BRF1: variants seen among roughly 807,000 people sequenced by gnomAD.
The protein encoded by BRF1 is transcription factor IIIB 90 kDa subunit.
Under a neutral mutation model 81.7 loss-of-function variants are expected in BRF1, and 59 were observed. The observed-to-expected ratio is 0.72, with a 90% CI of 0.59 to 0.90. The LOEUF is 0.90. Ranked by LOEUF, BRF1 falls within the 40% of genes least tolerant of loss-of-function variation. The pLI, the probability that BRF1 is intolerant of heterozygous loss-of-function variation, is 0.00. For synonymous variants in BRF1, 491 were observed against 395.6 expected (o/e 1.24, Z -2.86); for missense variants, 1,050 against 936.3 (o/e 1.12, Z -1.58).
chr14:105,228,543 CAA>C (rs369640753), intron 7 of BRF1, among the ~76,000 whole-genome samples: 11 of 135,200 alleles, frequency 8.1e-5, no homozygotes, highest in Admixed American at 1.5e-4. Flanking sequence ...GGCTGTTCCT[CAA>C]AAAAAAAAAA....
chr14:105,283,151 A>T (rs1462595590), intron 2 of BRF1, among the ~76,000 whole-genome samples: 1 of 152,204 alleles, frequency 6.6e-6, no homozygotes, highest in Non-Finnish European at 1.5e-5. Context: ...GCCAAGGCAG[A>T]GGAGGACATC....
intron 4 of BRF1, among the ~76,000 whole-genome samples, chr14:105,254,449 G>A (rs1203887521): frequency 6.6e-6 from 1 of 152,098 alleles, no homozygotes. Context: ...AGTAGAGATG[G>A]AGTTTCACCG....
intron 1 of BRF1, among the ~76,000 whole-genome samples, chr14:105,288,255 C>A (rs1171359852): frequency 1.3e-5 from 2 of 151,528 alleles, no homozygotes; most frequent in African/African-American, 2.4e-5. Context: ...GAGATCGAGA[C>A]CATCTTGGCG....
chr14:105,224,494 C>T (rs587675141), intron 10 of BRF1, among the ~76,000 whole-genome samples: 1 of 152,358 alleles, frequency 6.6e-6, no homozygotes, highest in Non-Finnish European at 1.5e-5. Context: ...ACTTTTGCCT[C>T]TGCTTCTTCC....
intron 3 of BRF1, among the ~76,000 whole-genome samples, chr14:105,265,361 A>G (rs1315327230): frequency 1.3e-5 from 2 of 152,184 alleles, no homozygotes; most frequent in African/African-American, 2.4e-5. Context: ...CAAATCCTTG[A>G]ACTTCTACAA....
rs187129537 is a variant in BRF1 at position 105,252,300 on chromosome 14, A to G, written c.544+207T>C. The stretch of plus-strand genomic sequence containing the variant: ...GGCTGCAGTGAGCTACGATTGTGCC[A>G]CTGCACTCCAGCCTGGACAACAGCG... On this transcript the variant is annotated intron_variant, in intron 5 of 17. Coordinates refer to ENST00000547530, the MANE Select transcript of BRF1 (RefSeq NM_001519.4). 1,459 of 894,488 alleles carry G rather than the reference A, an allele frequency of 1.6e-3. 27 individuals are homozygous for G. In the African/African-American group the frequency reaches 0.025, roughly 15 times the overall value. 55.4% of individuals were successfully genotyped at this position (894,488 alleles called of 1,614,324 possible).
intron 3 of BRF1, among the ~76,000 whole-genome samples, chr14:105,265,045 C>CTTTTTTTTTTTTTTTT (rs587772604): frequency 7.4e-6 from 1 of 135,176 alleles, no homozygotes; most frequent in African/African-American, 2.7e-5. Flanking sequence ...TCTACTTATC[C>CTTTTTTTTTTTTTTTT]TTTTTTTTGT....
intron 15 of BRF1, among the ~76,000 whole-genome samples, chr14:105,215,406 A>G: frequency 6.6e-6 from 1 of 151,902 alleles, no homozygotes; most frequent in East Asian, 1.9e-4. Context: ...AAAAACTTAC[A>G]CACATGCACA....
In BRF1 at chr14:105,271,331, C is replaced by A. The variant is rs2056644818; in HGVS notation, c.439+1390G>T. Among the ~76,000 whole-genome samples the A allele has an allele frequency of 6.6e-6, 1 of 152,188 alleles. No homozygotes were observed. Among genetic ancestry groups the A allele is most frequent in the Non-Finnish European group, 1.5e-5 (1 of 68,044 alleles). On this transcript the variant is annotated intron_variant, in intron 3 of 17. Coordinates refer to ENST00000547530, the MANE Select transcript of BRF1 (RefSeq NM_001519.4). This position sits in a 1 kb window ranked among gnomAD's most constrained non-coding sequence, Gnocchi z 5.5. ...GATTTCTGAACGTGGAGATTAGAGG[C>A]AAGGAGCTGAAGCCCCGCAGCTGCA...
In BRF1 at chr14:105,270,683, C is replaced by T. The variant is rs111813992; in HGVS notation, c.439+2038G>A. Among the ~76,000 whole-genome samples, 37 of 151,744 alleles carry T rather than the reference C, an allele frequency of 2.4e-4. 1 individual carries two copies. The highest frequency in any genetic ancestry group is 8.0e-4 in the African/African-American group (33 of 41,328). On this transcript the variant is annotated intron_variant, in intron 3 of 17. Coordinates refer to ENST00000547530, the MANE Select transcript of BRF1 (RefSeq NM_001519.4). ...GTGCACACCTGTAATCCCAGCTACT[C>T]GAGAGGCTAAGGCACAAGAATTGCT...
chr14:105,280,091 C>T (rs1044421459), intron 2 of BRF1, among the ~76,000 whole-genome samples: 1 of 152,240 alleles, frequency 6.6e-6, no homozygotes, highest in Non-Finnish European at 1.5e-5. Flanking sequence ...GAAAAACCTG[C>T]ACGTGACGTT....
At position 105,217,628 on chromosome 14, in the gene BRF1, T is replaced by C. The variant is rs768440342; in HGVS notation, c.1688A>G (p.His563Arg). Residue 563 changes from histidine (H) to arginine (R), a missense_variant, in exon 15 of 18, where the codon CAT (histidine) becomes CGT (arginine). His to Arg is a conservative substitution (Grantham distance 29). Coordinates refer to ENST00000547530, the MANE Select transcript of BRF1 (RefSeq NM_001519.4). ...SPHREDAQPE[H>R]SASARKLSRR... is the part of the protein sequence containing the mutation. ...TGACAGCTTCCTGGCACTGGCGCTA[T>C]GCTCGGGCTGTGCATCCTCCCTGTG... The C allele has an allele frequency of 2.5e-6, 4 of 1,613,368 alleles. No homozygotes were observed. The highest frequency in any genetic ancestry group is 1.7e-5 in the Admixed American group (1 of 60,026).
At chr14:105,223,858 C>T (rs1892680783) in intron 10 of BRF1, among the ~76,000 whole-genome samples, 1 of 152,224 alleles carries the variant, frequency 6.6e-6, no homozygotes, top group South Asian at 2.1e-4. Context: ...GAGAAAAGAA[C>T]TTTCACGGGA....
intron 7 of BRF1, among the ~76,000 whole-genome samples, 194 bp downstream of exon 7, chr14:105,228,626 C>A (rs1007376701): frequency 9.2e-5 from 14 of 152,018 alleles, no homozygotes; most frequent in Admixed American, 6.6e-4. Flanking sequence ...TAGCAGGGAA[C>A]TCTCTGGAGG....
At position 105,269,629 on chromosome 14, in the gene BRF1, C is replaced by T. The variant is rs184924708; in HGVS notation, c.439+3092G>A. Among the ~76,000 whole-genome samples, 11 of 152,206 alleles carry T rather than the reference C, an allele frequency of 7.2e-5. No individual in the cohort carries two copies. The highest frequency in any genetic ancestry group is 1.3e-4 in the Admixed American group (2 of 15,294). ...ACACTTAGTAGGAGGATCGCTGGAG[C>T]GTGTGGGAACTTTGTGGCTAAAGGT... On this transcript the variant is annotated intron_variant, in intron 3 of 17. Coordinates refer to ENST00000547530, the MANE Select transcript of BRF1 (RefSeq NM_001519.4). This position sits in a 1 kb window ranked among gnomAD's most constrained non-coding sequence, Gnocchi z 5.0.
chr14:105,273,680 G>A (rs1037793053), intron 2 of BRF1, among the ~76,000 whole-genome samples: 7 of 152,210 alleles, frequency 4.6e-5, no homozygotes, highest in Non-Finnish European at 7.3e-5. Context: ...TGTGCAGGAC[G>A]TGCCTTGTTA....
At chr14:105,262,577 G>T (rs1051084961) in intron 3 of BRF1, among the ~76,000 whole-genome samples, 1 of 152,234 alleles carries the variant, frequency 6.6e-6, no homozygotes, top group Non-Finnish European at 1.5e-5. Flanking sequence ...CCTCTGTGAA[G>T]TTCAAGGGTA....
intron 15 of BRF1, among the ~76,000 whole-genome samples, chr14:105,214,007 G>A (rs973692401): frequency 2.6e-5 from 4 of 152,230 alleles, no homozygotes; most frequent in African/African-American, 7.2e-5. Context: ...TGGCCTGTAC[G>A]GGGGTCCCCA....
In BRF1 at chr14:105,256,502, G is replaced by T. The variant is rs199981739; in HGVS notation, c.471+16C>A. ...CAACCCCAGGTGGGGAAAGATGCAG[G>T]ACGGAGGCTGTCTACCTGGAGCAGG... On this transcript the variant is annotated intron_variant, in intron 4 of 17. Transcript: ENST00000547530. The T allele has an allele frequency of 6.2e-7, 1 of 1,614,154 alleles. No individual in the cohort carries two copies. Among genetic ancestry groups the T allele is most frequent in the Non-Finnish European group, 8.5e-7 (1 of 1,180,038 alleles).
Sources: gnomAD v4.1 joint callset for allele counts (sites outside exome capture counted in the v4.1 genomes callset) on GRCh38, gnomAD v4.1.1 for gene constraint, Gnocchi (gnomAD v3.1) non-coding constraint, MANE v1.5 for transcripts, NCBI Gene and HGNC (gene_info 2026-07-23, HGNC 2026-07-21) for gene names.